CACNA1A: variants seen among roughly 807,000 people sequenced by gnomAD.
CACNA1A encodes voltage-dependent P/Q-type calcium channel subunit alpha-1A.
A neutral mutation model predicts 262.4 loss-of-function variants in CACNA1A; 57 were observed. The observed-to-expected ratio is 0.22, with a 90% confidence interval of 0.18 to 0.27. The LOEUF is 0.27. Ranked by LOEUF, CACNA1A falls within the 10% of genes least tolerant of loss-of-function variation. CACNA1A has a pLI of 1.00. For synonymous variants in CACNA1A, 1,431 were observed against 1,419.3 expected (o/e 1.01, Z -0.18); for missense variants, 2,526 against 3,562.8 (o/e 0.71, Z 7.41).
intron 22 of CACNA1A, among the ~76,000 whole-genome samples, chr19:13,281,036 T>C (rs554829419): frequency 6.6e-6 from 1 of 152,110 alleles, no homozygotes; most frequent in South Asian, 2.1e-4. Context: ...TTATTGAATG[T>C]TACAGAAGAG....
At chr19:13,429,989 G>A (rs1599435208) in intron 3 of CACNA1A, among the ~76,000 whole-genome samples, 1 of 125,680 alleles carries the variant, frequency 8.0e-6, no homozygotes, top group South Asian at 3.3e-4. Context: ...GTAGGGTGGG[G>A]GGAGTGGGGA....
chr19:13,255,384 C>T lies in CACNA1A; in HGVS notation c.4591-125G>A, dbSNP rs1600181041. 5 of 832,976 alleles carry T rather than the reference C, an allele frequency of 6.0e-6. No homozygotes were observed. In the East Asian group the frequency reaches 1.4e-4, roughly 23 times the overall value. 51.6% of individuals were successfully genotyped at this position (832,976 alleles called of 1,614,324 possible). On this transcript the variant is annotated intron_variant, in intron 28 of 46. Coordinates refer to ENST00000360228, the MANE Select transcript of CACNA1A (RefSeq NM_001127222.2). ...CTGCTTGAGTCTCTGCCTCTCTTGC[C>T]CCCAGCCAGGATTCCTGGGCTCTCT...
intron 1 of CACNA1A, among the ~76,000 whole-genome samples, chr19:13,456,406 C>T (rs992200190): frequency 2.0e-5 from 3 of 152,270 alleles, no homozygotes; most frequent in Admixed American, 2.0e-4. Context: ...GGTGTGGTGG[C>T]TCACGCCTGT....
At chr19:13,244,850 G>T (rs2056184154) in intron 31 of CACNA1A, 1 of 291,770 alleles carries the variant, frequency 3.4e-6, no homozygotes, top group Non-Finnish European at 6.5e-6. Flanking sequence ...GTGGTGTTTG[G>T]GAGCCGGCTC....
At chr19:13,253,342 G>C (rs2056453029) in intron 29 of CACNA1A, among the ~76,000 whole-genome samples, 2 of 150,920 alleles carry the variant, frequency 1.3e-5, no homozygotes, top group African/African-American at 2.4e-5. Context: ...TGGTAGACGG[G>C]GTCTTCCTAT....
chr19:13,414,271 G>A (rs2060183115), intron 3 of CACNA1A, among the ~76,000 whole-genome samples: 1 of 152,096 alleles, frequency 6.6e-6, no homozygotes, highest in South Asian at 2.1e-4. Context: ...GATGGTGCAT[G>A]CCTGTGGTCC....
rs1477744688 is a variant in CACNA1A, at chr19:13,499,448, GGT to G, written c.293+6482_293+6483del. On this transcript the variant is annotated intron_variant, in intron 1 of 46. Transcript: ENST00000360228. ...TCCACACTGACCAGTCGCAGGGGGT[GGT>G]GGGGGGGGGCACTTCGCTCCCATTC... is the stretch of plus-strand genomic sequence containing the variant. 4.5e-3 allele frequency among the ~76,000 whole-genome samples: 173 copies of G among 38,242 alleles called. 1 individual carries two copies. The highest frequency in any genetic ancestry group is 0.012 in the African/African-American group (163 of 14,052). 25.1% of individuals were successfully genotyped at this position (38,242 alleles called of 152,430 possible).
intron 22 of CACNA1A, 64 bp from the exon 23 acceptor site, chr19:13,277,192 A>T (rs1661965212): frequency 8.6e-7 from 1 of 1,163,384 alleles, no homozygotes; most frequent in South Asian, 1.3e-5. Context: ...CCCCGGTAAA[A>T]CTAACGATCG....
intron 3 of CACNA1A, chr19:13,450,786 A>T (rs1348074375): frequency 6.6e-6 from 1 of 152,156 alleles, no homozygotes; most frequent in East Asian, 1.9e-4. Flanking sequence ...CCTCCTGAGT[A>T]ATTGGGGTTA....
chr19:13,288,901 G>A (rs1030123395), intron 19 of CACNA1A, among the ~76,000 whole-genome samples: 2 of 152,166 alleles, frequency 1.3e-5, no homozygotes, highest in Admixed American at 6.5e-5. Context: ...AAAAACCCAC[G>A]GTGTTTTTAG....
chr19:13,228,976 T>C (rs2055572618), intron 36 of CACNA1A: 1 of 383,170 alleles, frequency 2.6e-6, no homozygotes, highest in Non-Finnish European at 4.7e-6. Flanking sequence ...GGGTGTAGGA[T>C]GTCAGTCGAG....
chr19:13,325,045 TC>T (rs1484303947), intron 10 of CACNA1A, among the ~76,000 whole-genome samples: 16 of 151,698 alleles, frequency 1.1e-4, no homozygotes, highest in African/African-American at 3.9e-4. Context: ...CTCTTCTTCT[TC>T]CTCTTCCCCT....
At chr19:13,275,659 CCTT>C (rs901716537) in intron 24 of CACNA1A, 188 bp downstream of exon 24, 6 of 609,142 alleles carry the variant, frequency 9.8e-6, no homozygotes, top group Non-Finnish European at 1.8e-5. Context: ...GGTCCCTTCT[CCTT>C]CTTCCTCCAT....
At chr19:13,467,699 G>A (rs1473998347) in intron 1 of CACNA1A, among the ~76,000 whole-genome samples, 1 of 151,412 alleles carries the variant, frequency 6.6e-6, no homozygotes, top group Non-Finnish European at 1.5e-5. Context: ...CTGCCTCCTG[G>A]GTTCAAGTGA....
At position 13,308,112 on chromosome 19, in the gene CACNA1A, G is replaced by A. The variant is rs770833278; in HGVS notation, c.1913+8C>T. 5 of 1,613,712 alleles carry A rather than the reference G, an allele frequency of 3.1e-6. No individual in the cohort carries two copies. The highest frequency in any genetic ancestry group is 2.2e-5 in the East Asian group (1 of 44,898). On this transcript the variant is annotated splice_region_variant and intron_variant, in intron 14 of 46. Coordinates refer to ENST00000360228, the MANE Select transcript of CACNA1A (RefSeq NM_001127222.2). This position sits in a 1 kb window ranked among gnomAD's most constrained non-coding sequence, Gnocchi z 4.2. ...AACCAGGAGTTGGAATTCCTGTGAA[G>A]GACTTACTGGCCGCCGAAGAGTTGC... is the stretch of plus-strand genomic sequence containing the variant.
chr19:13,430,172 C>T (rs2060481700), intron 3 of CACNA1A, among the ~76,000 whole-genome samples: 2 of 150,918 alleles, frequency 1.3e-5, no homozygotes, highest in South Asian at 2.1e-4. Flanking sequence ...AAAAATGGTA[C>T]ATTTTATGTT....
intron 36 of CACNA1A, among the ~76,000 whole-genome samples, chr19:13,228,103 T>C (rs932743657): frequency 2.6e-5 from 4 of 151,950 alleles, no homozygotes; most frequent in Non-Finnish European, 5.9e-5. Flanking sequence ...AAGGGGGTTC[T>C]TGCTATGTTG....
In CACNA1A at chr19:13,209,594, TCGGTGACTG is replaced by T. The variant is rs1455574356; in HGVS notation, c.6340-105_6340-97del. ...CATTGTGGCAGCCTGGTGGTGGCCT[TCGGTGACTG>T]CGGTGTGACCATCCTGGGGCAGGGG... is the stretch of plus-strand genomic sequence containing the variant. On this transcript the variant is annotated intron_variant, in intron 44 of 46. Transcript: ENST00000360228. 3 of 951,836 alleles carry T rather than the reference TCGGTGACTG, an allele frequency of 3.2e-6. No individual in the cohort carries two copies. The African/African-American group carries it at 5.1e-5, about 16-fold the overall frequency. The allele number at this position is 951,836 out of a possible 1,614,324, so 59.0% of individuals were successfully genotyped here.
intron 31 of CACNA1A, among the ~76,000 whole-genome samples, chr19:13,239,885 T>G (rs2056012362): frequency 6.6e-6 from 1 of 151,980 alleles, no homozygotes; most frequent in African/African-American, 2.4e-5. Context: ...GTGTAGTGGC[T>G]CACACCTGTA....
Sources: gnomAD v4.1 joint callset for allele counts (sites outside exome capture counted in the v4.1 genomes callset) on GRCh38, gnomAD v4.1.1 for gene constraint, Gnocchi (gnomAD v3.1) non-coding constraint, MANE v1.5 for transcripts, NCBI Gene and HGNC (gene_info 2026-07-23, HGNC 2026-07-21) for gene names.